BLVRA: variants seen among roughly 807,000 people sequenced by gnomAD.
BLVRA encodes the protein biliverdin reductase A, also known as BVR A.
A neutral mutation model predicts 32.8 loss-of-function variants in BLVRA; 22 were observed. The ratio of observed to expected loss-of-function variants is 0.67; its 90% CI spans 0.48 to 0.96. The LOEUF is 0.96. Among genes scored for constraint, BLVRA ranks in the 40% least tolerant of loss-of-function variants. The pLI, the probability that BLVRA is intolerant of heterozygous loss-of-function variation, is 0.00. For missense variants in BLVRA, 323 were observed against 358.1 expected (o/e 0.90, Z 0.79); for synonymous variants, 119 against 141.3 (o/e 0.84, Z 1.12).
chr7:43,791,148 C>G, intron 3 of BLVRA, 101 bp from the exon 4 acceptor site: 2 of 1,572,788 alleles, frequency 1.3e-6, no homozygotes, highest in Non-Finnish European at 1.7e-6. Flanking sequence ...TTCTTCATTT[C>G]TGGCAGCAGA....
chr7:43,792,201 C>T (rs559967950), intron 4 of BLVRA, among the ~76,000 whole-genome samples: 21 of 152,272 alleles, frequency 1.4e-4, no homozygotes, highest in African/African-American at 3.1e-4. Flanking sequence ...TGAAGTTTGC[C>T]GATTGAACAA....
rs59958539 is a variant in BLVRA at position 43,780,083 on chromosome 7, G to A, written c.13-7821G>A. On this transcript the variant is annotated intron_variant, in intron 2 of 7. Coordinates refer to ENST00000265523, the MANE Select transcript of BLVRA (RefSeq NM_000712.4). Reference sequence around the variant, plus strand: ...GATGGGGTTTCACTATGTTGGCCAGGCTGGGCTTGAACCCCTGACCTCGAG... The same window carrying A: ...GATGGGGTTTCACTATGTTGGCCAGACTGGGCTTGAACCCCTGACCTCGAG... 3.0e-3 allele frequency among the ~76,000 whole-genome samples: 450 copies of A among 152,114 alleles called. 9 individuals carry two copies. The East Asian group carries it at 0.065, about 22-fold the overall frequency.
chr7:43,780,869 G>C (rs1352685721), intron 2 of BLVRA, among the ~76,000 whole-genome samples: 1 of 152,162 alleles, frequency 6.6e-6, no homozygotes, highest in Non-Finnish European at 1.5e-5. Context: ...ACAGTAGGCT[G>C]GGCGCCGTGG....
rs759355905 is a variant in BLVRA, at chr7:43,803,822, G to T, written c.607G>T (p.Val203Leu). 2.2e-5 allele frequency: 36 copies of T among 1,614,002 alleles called. No homozygotes were observed. The highest frequency in any genetic ancestry group is 2.8e-5 in the Non-Finnish European group (33 of 1,180,012). Residue 203 changes from valine to leucine, a missense_variant, in exon 7 of 8, where the codon GTG (valine) becomes TTG (leucine). Val to Leu is a conservative substitution (Grantham distance 32, BLOSUM62 1). Coordinates refer to ENST00000265523, the MANE Select transcript of BLVRA (RefSeq NM_000712.4). ...RKEDQYMKMT[V>L]CLETEKKSPL... ...GGAAGATCAGTATATGAAAATGACA[G>T]TGTGTCTGGAGACAGAGAAGAAAAG...
chr7:43,775,925 C>T (rs1383852251), intron 2 of BLVRA, among the ~76,000 whole-genome samples: 4 of 152,180 alleles, frequency 2.6e-5, no homozygotes, highest in Admixed American at 6.5e-5. Flanking sequence ...AGTTTATTTG[C>T]GTAGAGGTGT....
intron 5 of BLVRA, among the ~76,000 whole-genome samples, chr7:43,794,200 A>T (rs1358250998): frequency 6.6e-6 from 1 of 152,106 alleles, no homozygotes; most frequent in Non-Finnish European, 1.5e-5. Context: ...ACTGCACTCT[A>T]GTCTGGGCAA....
chr7:43,796,068 C>T lies in BLVRA; in HGVS notation c.352+3256C>T, dbSNP rs184043567. ...GTGCTGAGGGGAGGTTGTGGTGAGC[C>T]GAGATTGCACCACTGTACTCCATCC... is the stretch of plus-strand genomic sequence containing the variant. On this transcript the variant is annotated intron_variant, in intron 5 of 7. Coordinates refer to ENST00000265523, the MANE Select transcript of BLVRA (RefSeq NM_000712.4). 2.2e-3 allele frequency among the ~76,000 whole-genome samples: 317 copies of T among 143,766 alleles called. 1 individual carries two copies. Among genetic ancestry groups the T allele is most frequent in the Admixed American group, 3.7e-3 (50 of 13,574 alleles). The allele number at this position is 143,766 out of a possible 152,430, so 94.3% of individuals were successfully genotyped here. A position where few individuals can be genotyped will look rare whatever the true frequency, so the allele number is the denominator to read the frequency against.
chr7:43,801,174 A>AT (rs1447255587), intron 6 of BLVRA, among the ~76,000 whole-genome samples: 1 of 151,962 alleles, frequency 6.6e-6, no homozygotes, highest in African/African-American at 2.4e-5. Context: ...TAATTTTAAA[A>AT]TTTGTGTAAA....
chr7:43,767,278 CACA>C, intron 1 of BLVRA: 1 of 1,018,816 alleles, frequency 9.8e-7, no homozygotes, highest in Non-Finnish European at 1.5e-6. Flanking sequence ...CCTGTGCCAG[CACA>C]ACTACACTGT....
intron 1 of BLVRA, among the ~76,000 whole-genome samples, chr7:43,769,607 C>CTT (rs770706689): frequency 6.9e-6 from 1 of 144,554 alleles, no homozygotes; most frequent in Non-Finnish European, 1.5e-5. Context: ...AGGCTATTTT[C>CTT]TTTTTTTTTT....
chr7:43,789,017 A>G (rs117825017), intron 3 of BLVRA, among the ~76,000 whole-genome samples: 54 of 151,334 alleles, frequency 3.6e-4, no homozygotes, highest in East Asian at 9.7e-4. Context: ...CCCATGCTCA[A>G]ATTTTCCACT....
chr7:43,797,956 C>T (rs1332338272), intron 5 of BLVRA, among the ~76,000 whole-genome samples: 1 of 151,810 alleles, frequency 6.6e-6, no homozygotes, highest in African/African-American at 2.4e-5. Flanking sequence ...CTTTGGGAGG[C>T]CAAGGCAGGC....
Position 43,807,028 on chromosome 7 carries a change from T to TTTAA in BLVRA, c.685_688dup (p.Ser230IlefsTer20). On this transcript the variant is annotated frameshift_variant, in exon 8 of 8. Transcript: ENST00000265523. LOFTEE classifies it high-confidence loss of function. ...GACCTGGTCTAAAACGAAACAGATA[T>TTTAA]TTAAGCTTCCATTTCAAGTCTGGGT... 6.2e-7 allele frequency: 1 copy of TTTAA among 1,614,146 alleles called. No homozygotes were observed. The highest frequency in any genetic ancestry group is 8.5e-7 in the Non-Finnish European group (1 of 1,179,974).
chr7:43,774,179 AT>A (rs1234893705), intron 2 of BLVRA, among the ~76,000 whole-genome samples: 2 of 152,160 alleles, frequency 1.3e-5, no homozygotes, highest in East Asian at 3.8e-4. Context: ...TTTTGTTGCC[AT>A]TGCTTTTGGT....
intron 2 of BLVRA, among the ~76,000 whole-genome samples, chr7:43,781,631 G>C (rs989569099): frequency 1.3e-5 from 2 of 152,112 alleles, no homozygotes; most frequent in African/African-American, 4.8e-5. Flanking sequence ...GAGCCACAGT[G>C]CCCAGCCTGA....
chr7:43,764,086 A>G (rs980228245), intron 1 of BLVRA: 4 of 152,224 alleles, frequency 2.6e-5, no homozygotes, highest in Non-Finnish European at 5.9e-5. Flanking sequence ...AAGCATAATT[A>G]TTGAGCTTTT....
At chr7:43,800,328 G>A in intron 5 of BLVRA, 137 bp from the exon 6 acceptor site, 2 of 785,040 alleles carry the variant, frequency 2.5e-6, no homozygotes, top group South Asian at 2.9e-5. Flanking sequence ...CAGTGGTAGG[G>A]AGGCCATCCT....
chr7:43,780,158 C>A (rs1049078918), intron 2 of BLVRA, among the ~76,000 whole-genome samples: 1 of 152,156 alleles, frequency 6.6e-6, no homozygotes, highest in African/African-American at 2.4e-5. Flanking sequence ...AGGCATGAGC[C>A]ACCATGCCTG....
At chr7:43,780,210 G>C (rs115592006) in intron 2 of BLVRA, among the ~76,000 whole-genome samples, 1 of 152,022 alleles carries the variant, frequency 6.6e-6, no homozygotes, top group Non-Finnish European at 1.5e-5. Context: ...CCCCAAGCCC[G>C]TTATAACCCA....
Sources: allele counts gnomAD v4.1 joint callset (sites outside exome capture counted in the v4.1 genomes callset), GRCh38; gene constraint gnomAD v4.1.1; transcripts MANE v1.5; gene names NCBI Gene and HGNC (gene_info 2026-07-23, HGNC 2026-07-21).